The following ZSCAN25 variants were observed in gnomAD, a reference collection of about 807,000 sequenced individuals.
ZSCAN25 encodes the protein zinc finger and SCAN domain containing 25.
In ZSCAN25, 27 loss-of-function variants were observed where a neutral mutation model predicts 38.7. That is an observed-to-expected ratio of 0.70 (90% CI 0.51 to 0.96). ZSCAN25 has a LOEUF of 0.96. Ranked by LOEUF, ZSCAN25 falls within the 40% of genes least tolerant of loss-of-function variation. The pLI is 0.00. For missense variants in ZSCAN25, 637 were observed against 705.9 expected (o/e 0.90, Z 1.11); for synonymous variants, 273 against 277.7 (o/e 0.98, Z 0.17).
the ZSCAN25 span, among the ~76,000 whole-genome samples, chr7:99,712,558 A>C: frequency 0.76 from 115,916 of 152,156 alleles, 47,135 homozygotes; most frequent in Non-Finnish European, 0.91. Flanking sequence ...ACAGTAGGCT[A>C]TTTCCTTTAT....
At chr7:99,637,974 C>G in the ZSCAN25 span, among the ~76,000 whole-genome samples, 8 of 152,088 alleles carry the variant, frequency 5.3e-5, no homozygotes, top group Admixed American at 5.2e-4. Flanking sequence ...TGCTGTATAT[C>G]CCCCATCCCA....
At chr7:99,664,403 G>A in the ZSCAN25 span, among the ~76,000 whole-genome samples, 487 of 152,322 alleles carry the variant, frequency 3.2e-3, 1 homozygote, top group African/African-American at 0.011. Context: ...TTGGATTAAT[G>A]TAGACCATAA....
the ZSCAN25 span, chr7:99,665,450 C>T: frequency 7.9e-7 from 1 of 1,270,430 alleles, no homozygotes. Flanking sequence ...GCTGAATCAT[C>T]TTCCATCTAC....
the ZSCAN25 span, among the ~76,000 whole-genome samples, chr7:99,688,119 A>C: frequency 1.3e-5 from 2 of 152,200 alleles, no homozygotes; most frequent in African/African-American, 4.8e-5. Flanking sequence ...TCAACTAACG[A>C]GCAAAATAAC....
At chr7:99,664,175 A>C in the ZSCAN25 span, 1 of 1,145,856 alleles carries the variant, frequency 8.7e-7, no homozygotes, top group Non-Finnish European at 1.3e-6. Context: ...TTTCTCTACC[A>C]GTAATAAGAA....
intron 4 of ZSCAN25, chr7:99,620,388 T>C (rs1206200225): frequency 5.4e-6 from 1 of 185,464 alleles, no homozygotes; most frequent in Non-Finnish European, 1.1e-5. Flanking sequence ...GGGTTGTCCA[T>C]GGCAGTACTG....
chr7:99,630,263 G>T lies in ZSCAN25; in HGVS notation c.*243G>T, dbSNP rs1376395058. On this transcript the variant is annotated 3_prime_UTR_variant, in exon 8 of 8. Transcript: ENST00000394152. ...GAGGGAAGCAGTCTCCTGCGGTTCA[G>T]TTCAGGCTGAGATTTTCTCCTTCAG... 2 of 1,308,822 alleles carry T rather than the reference G, an allele frequency of 1.5e-6. No individual in the cohort carries two copies. The highest frequency in any genetic ancestry group is 1.9e-6 in the Non-Finnish European group (2 of 1,031,402). 81.1% of individuals were successfully genotyped at this position (1,308,822 alleles called of 1,614,324 possible).
the ZSCAN25 span, chr7:99,638,898 C>T: frequency 5.4e-6 from 3 of 554,280 alleles, no homozygotes; most frequent in Non-Finnish European, 9.8e-6. Context: ...CTCCTAAGGG[C>T]AGAGGCCCAG....
At chr7:99,698,428 T>C in the ZSCAN25 span, among the ~76,000 whole-genome samples, 1 of 152,174 alleles carries the variant, frequency 6.6e-6, no homozygotes, top group South Asian at 2.1e-4. Flanking sequence ...AGCTGAGGAA[T>C]ATTTTCTTAC....
downstream of ZSCAN25, among the ~76,000 whole-genome samples, chr7:99,633,910 G>C (rs1808159390): frequency 6.6e-6 from 1 of 152,180 alleles, no homozygotes; most frequent in South Asian, 2.1e-4. Context: ...AGATGTTCCA[G>C]GCAAATGTTC....
the ZSCAN25 span, chr7:99,720,354 C>G: frequency 6.2e-7 from 1 of 1,613,624 alleles, no homozygotes; most frequent in Non-Finnish European, 8.5e-7. Context: ...TTCACTAGCA[C>G]TGTTTTGATC....
chr7:99,636,324 C>T (rs539347306), downstream of ZSCAN25, among the ~76,000 whole-genome samples: 3 of 152,140 alleles, frequency 2.0e-5, no homozygotes, highest in Admixed American at 6.5e-5. Flanking sequence ...CTGAGAACTT[C>T]GTACTTTAGT....
the ZSCAN25 span, among the ~76,000 whole-genome samples, chr7:99,727,198 T>C: frequency 2.0e-5 from 3 of 152,318 alleles, no homozygotes; most frequent in South Asian, 6.2e-4. Context: ...GCAGCTGGAA[T>C]TCTTACACAA....
chr7:99,663,908 G>T, the ZSCAN25 span: 1 of 1,533,594 alleles, frequency 6.5e-7, no homozygotes, highest in Non-Finnish European at 8.7e-7. Context: ...TCTATCATGT[G>T]TATAAAATCT....
chr7:99,660,240 T>TAA, the ZSCAN25 span: 1 of 977,946 alleles, frequency 1.0e-6, no homozygotes, highest in Non-Finnish European at 1.2e-6. Context: ...TTTTTTTTTT[T>TAA]TTTTTACTTA....
chr7:99,672,621 C>A, the ZSCAN25 span: 12 of 1,613,982 alleles, frequency 7.4e-6, no homozygotes, highest in East Asian at 2.7e-4. Flanking sequence ...TTCACTAGCA[C>A]TGTTCTGATC....
the ZSCAN25 span, chr7:99,660,642 G>A: frequency 1.2e-6 from 2 of 1,613,878 alleles, no homozygotes; most frequent in East Asian, 2.2e-5. Flanking sequence ...TGGGCTGCGA[G>A]CTCCAGATCA....
chr7:99,666,702 C>G, the ZSCAN25 span: 1 of 1,614,064 alleles, frequency 6.2e-7, no homozygotes, highest in Non-Finnish European at 8.5e-7. Context: ...AAGCACAAAA[C>G]AGATCAGTAC....
the ZSCAN25 span, chr7:99,700,105 T>C: frequency 1.8e-6 from 2 of 1,105,560 alleles, no homozygotes; most frequent in Non-Finnish European, 1.4e-6. Flanking sequence ...TGCTGGGCTG[T>C]CTGCCTGGAG....
Sources: allele counts gnomAD v4.1 joint callset (sites outside exome capture counted in the v4.1 genomes callset), GRCh38; gene constraint gnomAD v4.1.1; transcripts MANE v1.5; gene names NCBI Gene and HGNC (gene_info 2026-07-23, HGNC 2026-07-21).